BBS9: variants seen among roughly 807,000 people sequenced by gnomAD.
BBS9 encodes the protein Bardet-Biedl syndrome 9.
In BBS9, 89 loss-of-function variants were observed where a neutral mutation model predicts 117.7. That is an observed-to-expected ratio of 0.76 (90% confidence interval 0.64 to 0.90). BBS9 has a LOEUF of 0.90. BBS9 is among the 40% of genes least tolerant of loss of function. The pLI is 0.00. For synonymous variants in BBS9, 379 were observed against 370.9 expected, an observed-to-expected ratio of 1.02 and a Z score of -0.25; for missense variants, 982 against 1,042.2, an observed-to-expected ratio of 0.94 and a Z score of 0.80.
At chr7:33,350,397 A>G (rs1584448557) in intron 13 of BBS9, among the ~76,000 whole-genome samples, 1 of 152,174 alleles carries the variant, frequency 6.6e-6, no homozygotes, top group African/African-American at 2.4e-5. Flanking sequence ...AACACTTCCA[A>G]TTTGTCTTTC....
intron 19 of BBS9, among the ~76,000 whole-genome samples, chr7:33,403,306 TA>T (rs1156240507): frequency 1.3e-5 from 2 of 151,248 alleles, no homozygotes; most frequent in African/African-American, 4.9e-5. Context: ...AGTTTTACTT[TA>T]TTTTTTTTTA....
chr7:33,257,127 A>G lies in BBS9; in HGVS notation c.443-109A>G. 8.5e-6 allele frequency: 6 copies of G among 709,968 alleles called. No individual in the cohort carries two copies. The South Asian group carries it at 9.9e-5, about 12-fold the overall frequency. The allele number at this position is 709,968 out of a possible 1,614,324, so 44.0% of individuals were successfully genotyped here. A position where few individuals can be genotyped will look rare whatever the true frequency, so the allele number is the denominator to read the frequency against. ...ACACCGAATGCTGCTTAATGCTATGATTTATGTAAAATTGGTGCCTAAGAC... is the reference window on the plus strand; with the variant it reads ...ACACCGAATGCTGCTTAATGCTATGGTTTATGTAAAATTGGTGCCTAAGAC... On this transcript the variant is annotated intron_variant, in intron 5 of 22. Coordinates refer to ENST00000242067, the MANE Select transcript of BBS9 (RefSeq NM_198428.3).
intron 1 of BBS9, among the ~76,000 whole-genome samples, chr7:33,132,986 C>T (rs1161515399): frequency 6.6e-6 from 1 of 152,048 alleles, no homozygotes; most frequent in Non-Finnish European, 1.5e-5. Flanking sequence ...GATGAGGTCT[C>T]ACTATGTTGC....
intron 17 of BBS9, among the ~76,000 whole-genome samples, chr7:33,368,918 G>C (rs1014556266): frequency 1.3e-5 from 2 of 151,952 alleles, no homozygotes; most frequent in African/African-American, 2.4e-5. Flanking sequence ...CTCAATAATA[G>C]GTCACAGAAA....
intron 5 of BBS9, among the ~76,000 whole-genome samples, chr7:33,204,824 C>T (rs1562792919): frequency 6.6e-6 from 1 of 152,172 alleles, no homozygotes; most frequent in Non-Finnish European, 1.5e-5. Flanking sequence ...TAACAGTCTC[C>T]ACCATTGTAG....
chr7:33,450,531 C>T (rs573156636), intron 19 of BBS9, among the ~76,000 whole-genome samples: 6 of 152,330 alleles, frequency 3.9e-5, no homozygotes, highest in South Asian at 4.1e-4. Context: ...TCTTCACTAA[C>T]ACTGATGTGT....
chr7:33,467,569 T>TCCC (rs1840372839), intron 19 of BBS9, among the ~76,000 whole-genome samples: 1 of 127,770 alleles, frequency 7.8e-6, no homozygotes, highest in Non-Finnish European at 1.8e-5. Flanking sequence ...ACCCCCCAAC[T>TCCC]CCGCCACCTC....
chr7:33,225,340 G>A, intron 5 of BBS9, among the ~76,000 whole-genome samples: 1 of 152,064 alleles, frequency 6.6e-6, no homozygotes, highest in Non-Finnish European at 1.5e-5. Context: ...TGGGACCACT[G>A]GTACCTGCTA....
At position 33,341,255 on chromosome 7, in the gene BBS9, A is replaced by T. The variant is rs77832899; in HGVS notation, c.1275+282A>T. 0.02 allele frequency among the ~76,000 whole-genome samples: 3,014 copies of T among 152,024 alleles called. 201 individuals carry two copies. The East Asian group carries it at 0.26, about 13-fold the overall frequency. ...CCTAGTTCTAATCCTACTTAAAAAA[A>T]TTTTTTTTCAAACTTTCTTAGTACC... On this transcript the variant is annotated intron_variant, in intron 11 of 22. Coordinates refer to ENST00000242067, the MANE Select transcript of BBS9 (RefSeq NM_198428.3).
At chr7:33,413,204 A>G (rs1380395256) in intron 19 of BBS9, among the ~76,000 whole-genome samples, 4 of 152,168 alleles carry the variant, frequency 2.6e-5, no homozygotes, top group African/African-American at 9.7e-5. Context: ...CAGTATCTAA[A>G]AATCCTTGCA....
At chr7:33,306,484 C>T (rs569186824) in intron 9 of BBS9, among the ~76,000 whole-genome samples, 127 of 152,110 alleles carry the variant, frequency 8.3e-4, no homozygotes, top group Non-Finnish European at 1.5e-3. Flanking sequence ...AAATATGAGT[C>T]TTTTACAATC....
At chr7:33,386,006 A>G (rs1825939599) in intron 18 of BBS9, among the ~76,000 whole-genome samples, 1 of 152,196 alleles carries the variant, frequency 6.6e-6, no homozygotes, top group South Asian at 2.1e-4. Flanking sequence ...GGAGAGGGAT[A>G]GCATTAGGAG....
chr7:33,452,093 C>T (rs112613413), intron 19 of BBS9, among the ~76,000 whole-genome samples: 185 of 152,286 alleles, frequency 1.2e-3, no homozygotes, highest in African/African-American at 4.3e-3. Flanking sequence ...CTCAGCCTCC[C>T]CAAGTGCTGG....
Position 33,270,009 on chromosome 7 carries a change from A to G in BBS9, c.703-3003A>G, listed in dbSNP as rs1466864866. 2.2e-5 allele frequency among the ~76,000 whole-genome samples: 3 copies of G among 135,628 alleles called. No homozygotes were observed. The Admixed American group carries it at 2.3e-4, about 11-fold the overall frequency. The allele number at this position is 135,628 out of a possible 152,430, so 89.0% of individuals were successfully genotyped here. A position where few individuals can be genotyped will look rare whatever the true frequency, so the allele number is the denominator to read the frequency against. ...CTGCACTCCAGCCTGGCGACAGAGC[A>G]AGACTCTGTCTCAAAAAAAAAAAAA... On this transcript the variant is annotated intron_variant, in intron 7 of 22. Transcript: ENST00000242067.
chr7:33,486,068 C>T (rs1426053829), intron 19 of BBS9, among the ~76,000 whole-genome samples: 1 of 152,118 alleles, frequency 6.6e-6, no homozygotes, highest in African/African-American at 2.4e-5. Context: ...GTAGAAAAAC[C>T]GAAGCAGCCT....
chr7:33,406,669 T>G (rs369543515), intron 19 of BBS9, among the ~76,000 whole-genome samples: 182 of 152,214 alleles, frequency 1.2e-3, no homozygotes, highest in African/African-American at 4.1e-3. Flanking sequence ...GTCTGTAAAG[T>G]ATTTTATTTC....
chr7:33,216,257 A>C (rs1314961922), intron 5 of BBS9, among the ~76,000 whole-genome samples: 1 of 152,226 alleles, frequency 6.6e-6, no homozygotes, highest in Non-Finnish European at 1.5e-5. Flanking sequence ...TCCCTTCTAA[A>C]CACTGTCTTT....
chr7:33,462,208 C>A (rs1337156218), intron 19 of BBS9, among the ~76,000 whole-genome samples: 4 of 151,990 alleles, frequency 2.6e-5, no homozygotes. Flanking sequence ...GAAATGTTCT[C>A]CTTGTGTTAA....
At chr7:33,630,912 A>T in intron 21 of BBS9, among the ~76,000 whole-genome samples, 1 of 152,202 alleles carries the variant, frequency 6.6e-6, no homozygotes, top group East Asian at 1.9e-4. Context: ...CAATAGCCCA[A>T]AATAAGCCCT....
Sources: allele counts gnomAD v4.1 joint callset (sites outside exome capture counted in the v4.1 genomes callset), GRCh38; gene constraint gnomAD v4.1.1; transcripts MANE v1.5; gene names NCBI Gene and HGNC (gene_info 2026-07-23, HGNC 2026-07-21).